Variants in PRDM16 observed in about 807,000 individuals in gnomAD.
PRDM16 encodes histone-lysine N-methyltransferase PRDM16.
PRDM16 carries 23 observed loss-of-function variants against 110.6 expected under a neutral mutation model. The observed-to-expected ratio is 0.21, with a 90% confidence interval of 0.15 to 0.29. The LOEUF is 0.29. Among genes scored for constraint, PRDM16 ranks in the 10% least tolerant of loss-of-function variants. The pLI, the probability that PRDM16 is intolerant of heterozygous loss-of-function variation, is 1.00. For missense variants in PRDM16, 1,615 were observed against 1,794.3 expected (o/e 0.90, Z 1.81); for synonymous variants, 799 against 781.8 (o/e 1.02, Z -0.37).
chr1:3,426,629 CAT>C (rs979356759), intron 14 of PRDM16, among the ~76,000 whole-genome samples: 2 of 152,242 alleles, frequency 1.3e-5, no homozygotes, highest in Admixed American at 6.5e-5. Flanking sequence ...CACACATACA[CAT>C]GTGTACACAT....
intron 1 of PRDM16, among the ~76,000 whole-genome samples, chr1:3,114,554 G>A (rs1032247151): frequency 4.6e-5 from 7 of 150,948 alleles, no homozygotes; most frequent in East Asian, 2.0e-4. Flanking sequence ...ACACACACAC[G>A]TGCACAAACA....
At chr1:3,118,103 ATGTGTGTGTGCGTG>A (rs1210526111) in intron 1 of PRDM16, among the ~76,000 whole-genome samples, 1 of 147,674 alleles carries the variant, frequency 6.8e-6, no homozygotes, top group Admixed American at 6.8e-5. Context: ...GTGTACATGC[ATGTGTGTGTGCGTG>A]TGCGTGTGTG....
rs1157845900 is a variant in PRDM16 at position 3,201,891 on chromosome 1, C to T, written c.387+15417C>T. ...CACATGAGCTTAGGCGCTGACTCCA[C>T]CTCTCGGAGGGACCTCCAAGTGGAG... On this transcript the variant is annotated intron_variant, in intron 2 of 16. Transcript: ENST00000270722. This position sits in a 1 kb window ranked among gnomAD's most constrained non-coding sequence, Gnocchi z 4.1. 6.6e-6 allele frequency among the ~76,000 whole-genome samples: 1 copy of T among 152,232 alleles called. No individual in the cohort carries two copies. Among genetic ancestry groups the T allele is most frequent in the Non-Finnish European group, 1.5e-5 (1 of 68,036 alleles).
At chr1:3,310,015 C>A (rs1273642169) in intron 3 of PRDM16, 1 of 152,210 alleles carries the variant, frequency 6.6e-6, no homozygotes, top group Admixed American at 6.5e-5. Flanking sequence ...TGGTGCCGAG[C>A]CTTACCCAGT....
intron 1 of PRDM16, among the ~76,000 whole-genome samples, chr1:3,146,964 G>C (rs1401570293): frequency 2.5e-5 from 3 of 120,444 alleles, no homozygotes; most frequent in Non-Finnish European, 3.4e-5. Context: ...ATGTGTGCAC[G>C]TGTGCTCGGT....
intron 1 of PRDM16, among the ~76,000 whole-genome samples, chr1:3,176,641 C>G (rs778329933): frequency 6.6e-6 from 1 of 150,966 alleles, no homozygotes; most frequent in Non-Finnish European, 1.5e-5. Flanking sequence ...ATGTACCCAT[C>G]TATCCCCTCA....
intron 3 of PRDM16, among the ~76,000 whole-genome samples, chr1:3,364,452 C>T (rs976418169): frequency 1.3e-5 from 2 of 152,202 alleles, no homozygotes; most frequent in African/African-American, 2.4e-5. Context: ...GTGACACCCA[C>T]CCTATCTGGG....
chr1:3,412,580 C>G lies in PRDM16; in HGVS notation c.2383C>G (p.Pro795Ala). The G allele has an allele frequency of 6.2e-7, 1 of 1,606,698 alleles. No homozygotes were observed. The highest frequency in any genetic ancestry group is 8.5e-7 in the Non-Finnish European group (1 of 1,177,188). The change falls in exon 9 of 17, where the codon CCC (proline) becomes GCC (alanine). Residue 795 changes from proline to alanine, a missense_variant. By Grantham distance (27) the Pro-to-Ala change is conservative (BLOSUM62 -1). Around this residue, in one of 5 missense-constraint regions of PRDM16, gnomAD observed 772 missense variants for 748.3 expected, o/e 1.03. Transcript: ENST00000270722. Reference protein sequence around the residue: ...ILPMPKGPSAPASGEEQPLDL... With the variant: ...ILPMPKGPSAAASGEEQPLDL... Reference sequence around the variant, plus strand: ...GCCCATGCCCAAGGGCCCCTCGGCCCCCGCATCCGGCGAGGAGCAGCCGCT... The same window carrying G: ...GCCCATGCCCAAGGGCCCCTCGGCCGCCGCATCCGGCGAGGAGCAGCCGCT...
chr1:3,247,133 TA>T (rs1341600539), intron 3 of PRDM16, among the ~76,000 whole-genome samples: 1 of 152,132 alleles, frequency 6.6e-6, no homozygotes, highest in African/African-American at 2.4e-5. Flanking sequence ...AAAAACCTCA[TA>T]GGGGAACATG....
rs1202650948 is a variant in PRDM16 at position 3,411,555 on chromosome 1, C to T, written c.1358C>T (p.Pro453Leu). The T allele has an allele frequency of 1.2e-5, 19 of 1,613,996 alleles. No homozygotes were observed. The highest frequency in any genetic ancestry group is 1.0e-4 in the Admixed American group (6 of 60,014). The change falls in exon 9 of 17, where the codon CCG becomes CTG. Residue 453 changes from proline (P) to leucine (L), a missense_variant. Pro to Leu is a moderately conservative substitution (Grantham distance 98). This residue lies in a region of PRDM16 where 772 missense variants were observed against 748.3 expected (regional missense o/e 1.03). Coordinates refer to ENST00000270722, the MANE Select transcript of PRDM16 (RefSeq NM_022114.4). ...TGCGAGGGCAAGAACCATTACACGC[C>T]GGGCGGCATCTTTGCCCCGGGCCTG... ...RFCEGKNHYTPGGIFAPGLPL... is the reference protein window; with the variant it reads ...RFCEGKNHYTLGGIFAPGLPL...
At chr1:3,084,827 G>A (rs1012865173) in intron 1 of PRDM16, among the ~76,000 whole-genome samples, 19 of 152,138 alleles carry the variant, frequency 1.2e-4, no homozygotes, top group African/African-American at 3.9e-4. Context: ...GCAGGCTGTC[G>A]GGGGGCAGGC....
rs1638922633 is a variant in PRDM16, at chr1:3,436,805, A to G, written c.*2994A>G. 1.3e-5 allele frequency: 3 copies of G among 233,308 alleles called. No homozygotes were observed. Among genetic ancestry groups the G allele is most frequent in the Non-Finnish European group, 2.5e-5 (3 of 118,070 alleles). The allele number at this position is 233,308 out of a possible 1,614,324, so 14.5% of individuals were successfully genotyped here. ...TGCGACGGGGCAGCTGGCTGTGTCC[A>G]TGGCCAGGTGGCCAGGGTCAGGGCT... On this transcript the variant is annotated 3_prime_UTR_variant, in exon 17 of 17. Transcript: ENST00000270722.
At chr1:3,314,071 C>CGGGGGGAG (rs1553161915) in intron 3 of PRDM16, among the ~76,000 whole-genome samples, 3 of 100,662 alleles carry the variant, frequency 3.0e-5, no homozygotes, top group East Asian at 7.6e-4. Context: ...CCTTCCCCAC[C>CGGGGGGAG]GGGGGGGGGG....
chr1:3,337,713 T>C (rs1005166798), intron 3 of PRDM16, among the ~76,000 whole-genome samples: 4 of 152,050 alleles, frequency 2.6e-5, no homozygotes, highest in African/African-American at 4.8e-5. Flanking sequence ...TGCTGTGCGG[T>C]TTTCCATTTG....
chr1:3,196,197 C>A (rs1638473328), intron 2 of PRDM16, among the ~76,000 whole-genome samples: 1 of 152,198 alleles, frequency 6.6e-6, no homozygotes, highest in Admixed American at 6.5e-5. Flanking sequence ...CCGGTTCCTG[C>A]CCCCACTAAC....
chr1:3,150,741 C>G (rs1400666054), intron 1 of PRDM16, among the ~76,000 whole-genome samples: 1 of 151,854 alleles, frequency 6.6e-6, no homozygotes, highest in African/African-American at 2.4e-5. Flanking sequence ...CAGGGGAACT[C>G]AGAGTTTTTC....
intron 5 of PRDM16, among the ~76,000 whole-genome samples, chr1:3,401,661 A>G (rs1048565406): frequency 2.0e-5 from 3 of 152,198 alleles, no homozygotes; most frequent in African/African-American, 7.2e-5. Flanking sequence ...GTGCACATCA[A>G]ACACATATGC....
intron 3 of PRDM16, among the ~76,000 whole-genome samples, chr1:3,251,004 A>G (rs1639917132): frequency 6.6e-6 from 1 of 152,220 alleles, no homozygotes; most frequent in Admixed American, 6.5e-5. Flanking sequence ...TGTCATCAGA[A>G]ATGACTTCTA....
At chr1:3,409,629 G>A (rs1175948349) in intron 8 of PRDM16, among the ~76,000 whole-genome samples, 1 of 152,008 alleles carries the variant, frequency 6.6e-6, no homozygotes, top group Non-Finnish European at 1.5e-5. Flanking sequence ...GTCCTACAGA[G>A]AGAGACACTC....
Sources: gnomAD v4.1 joint callset for allele counts (sites outside exome capture counted in the v4.1 genomes callset) on GRCh38, gnomAD v4.1.1 for gene constraint, gnomAD v4.1.1 regional missense constraint, Gnocchi (gnomAD v3.1) non-coding constraint, MANE v1.5 for transcripts, NCBI Gene and HGNC (gene_info 2026-07-23, HGNC 2026-07-21) for gene names.